CYTH3: variants seen among roughly 807,000 people sequenced by gnomAD.
CYTH3 encodes cytohesin-3.
In CYTH3, 23 loss-of-function variants were observed where a neutral mutation model predicts 55.1. The ratio of observed to expected loss-of-function variants is 0.42; its 90% CI spans 0.30 to 0.59. CYTH3 has a LOEUF of 0.59. CYTH3 is among the 20% of genes least tolerant of loss of function. CYTH3 has a pLI of 0.20. For missense variants in CYTH3, 413 were observed against 524.8 expected (o/e 0.79, Z 2.08); for synonymous variants, 249 against 194.9 (o/e 1.28, Z -2.31).
chr7:6,259,434 C>G (rs1032227706), intron 1 of CYTH3, among the ~76,000 whole-genome samples: 1 of 151,844 alleles, frequency 6.6e-6, no homozygotes, highest in Non-Finnish European at 1.5e-5. Flanking sequence ...TAAATTTACT[C>G]GAGGAAAGTA....
Position 6,163,285 on chromosome 7 carries a change from CAA to C in CYTH3, c.*1657_*1658del. ...CTGCTGAGAAGGAAACCTAGGTGCACAAAGTCTGAGGTTTTGTCTCTGGACTG... is the reference window on the plus strand; with the variant it reads ...CTGCTGAGAAGGAAACCTAGGTGCACAGTCTGAGGTTTTGTCTCTGGACTG... On this transcript the variant is annotated 3_prime_UTR_variant, in exon 13 of 13. Coordinates refer to ENST00000350796, the MANE Select transcript of CYTH3 (RefSeq NM_004227.4). The C allele has an allele frequency of 6.6e-6, 1 of 152,430 alleles. No individual in the cohort carries two copies. The highest frequency in any genetic ancestry group is 1.9e-4 in the East Asian group (1 of 5,184). The allele number at this position is 152,430 out of a possible 1,614,324, so 9.4% of individuals were successfully genotyped here.
chr7:6,197,892 G>C (rs1248845340), intron 1 of CYTH3, among the ~76,000 whole-genome samples: 1 of 152,030 alleles, frequency 6.6e-6, no homozygotes, highest in African/African-American at 2.4e-5. Context: ...AGGAGTTTGA[G>C]ACTAGCCTGG....
intron 1 of CYTH3, among the ~76,000 whole-genome samples, chr7:6,259,584 C>T (rs60679365): frequency 0.013 from 1,938 of 149,550 alleles, 33 homozygotes; most frequent in African/African-American, 0.043. Context: ...TACAGAATCT[C>T]ATGTCTATTC....
At chr7:6,250,599 G>C (rs1435312683) in intron 1 of CYTH3, among the ~76,000 whole-genome samples, 1 of 152,112 alleles carries the variant, frequency 6.6e-6, no homozygotes, top group Non-Finnish European at 1.5e-5. Context: ...GCCAAACACA[G>C]AAGACCACAT....
At chr7:6,252,441 C>T (rs1779996350) in intron 1 of CYTH3, among the ~76,000 whole-genome samples, 1 of 152,120 alleles carries the variant, frequency 6.6e-6, no homozygotes, top group Non-Finnish European at 1.5e-5. Flanking sequence ...TAGTCACGAA[C>T]AAAATTAATA....
At chr7:6,228,326 G>A (rs1353821727) in intron 1 of CYTH3, among the ~76,000 whole-genome samples, 1 of 152,196 alleles carries the variant, frequency 6.6e-6, no homozygotes, top group Non-Finnish European at 1.5e-5. Flanking sequence ...TAAAGCTTAT[G>A]CTTTTCCATG....
chr7:6,181,608 A>G (rs1253125682), intron 4 of CYTH3, among the ~76,000 whole-genome samples: 2 of 152,076 alleles, frequency 1.3e-5, no homozygotes, highest in Non-Finnish European at 2.9e-5. Context: ...AGTCTTTTCA[A>G]TTTTTATCCT....
chr7:6,220,912 C>A (rs1466774284), intron 1 of CYTH3, among the ~76,000 whole-genome samples: 2 of 152,026 alleles, frequency 1.3e-5, no homozygotes, highest in Non-Finnish European at 2.9e-5. Flanking sequence ...AGGAGAATTG[C>A]TTGAACACGG....
intron 1 of CYTH3, 73 bp downstream of exon 1, chr7:6,272,401 C>T (rs1463959678): frequency 2.1e-5 from 26 of 1,229,488 alleles, no homozygotes; most frequent in Non-Finnish European, 2.6e-5. Flanking sequence ...GGCCCAGCGC[C>T]GCGCCCTCGA....
chr7:6,186,915 A>G, intron 4 of CYTH3, 135 bp downstream of exon 4: 1 of 874,486 alleles, frequency 1.1e-6, no homozygotes. Context: ...TTTTTGATAA[A>G]AATGTGCCTT....
intron 1 of CYTH3, among the ~76,000 whole-genome samples, chr7:6,245,195 A>G (rs1779778487): frequency 6.6e-6 from 1 of 151,742 alleles, no homozygotes; most frequent in Non-Finnish European, 1.5e-5. Context: ...ATGCAGGGGG[A>G]AAGTGTAAGG....
intron 1 of CYTH3, among the ~76,000 whole-genome samples, chr7:6,269,244 A>C (rs1780588896): frequency 6.6e-6 from 1 of 151,772 alleles, no homozygotes; most frequent in Admixed American, 6.6e-5. Flanking sequence ...GCTACTTTAC[A>C]CTCTTACCCG....
chr7:6,228,483 G>A (rs118008236), intron 1 of CYTH3, among the ~76,000 whole-genome samples: 2 of 152,300 alleles, frequency 1.3e-5, no homozygotes, highest in South Asian at 2.1e-4. Flanking sequence ...CAAGTTGTGT[G>A]GGAGGGTAGG....
Position 6,165,376 on chromosome 7 carries a change from A to G in CYTH3, c.1024T>C (p.Cys342Arg), listed in dbSNP as rs1429202543. 1 of 1,614,060 alleles carries G rather than the reference A, an allele frequency of 6.2e-7. No individual in the cohort carries two copies. Among genetic ancestry groups the G allele is most frequent in the African/African-American group, 1.3e-5 (1 of 74,936 alleles). The stretch of plus-strand genomic sequence containing the variant: ...ACGCGGCCGTCGGCCTCAGTCTTAC[A>G]GGCCTTGATGACCTGCCCTTTGTGG... ...PSHKGQVIKA[C>R]KTEADGRVVE... is the part of the protein sequence containing the mutation. The change falls in exon 12 of 13, where the codon TGT (cysteine) becomes CGT (arginine). Residue 342 changes from cysteine to arginine, a missense_variant. Cys to Arg is a radical substitution (Grantham distance 180). Transcript: ENST00000350796.
Position 6,259,769 on chromosome 7 carries a change from ATATT to A in CYTH3, c.34+12701_34+12704del, listed in dbSNP as rs1206760036. 3.0e-4 allele frequency among the ~76,000 whole-genome samples: 7 copies of A among 23,326 alleles called. 1 individual carries two copies. In the East Asian group the frequency reaches 9.1e-3, roughly 30 times the overall value. The allele number at this position is 23,326 out of a possible 152,430, so 15.3% of individuals were successfully genotyped here. On this transcript the variant is annotated intron_variant, in intron 1 of 12. Transcript: ENST00000350796. ...ATATATATATATATTATATATATAT[ATATT>A]ATATATATATAATATATATATATAT... is the stretch of plus-strand genomic sequence containing the variant.
intron 1 of CYTH3, among the ~76,000 whole-genome samples, chr7:6,199,026 A>G (rs1382842874): frequency 2.0e-5 from 3 of 152,230 alleles, no homozygotes; most frequent in Non-Finnish European, 4.4e-5. Flanking sequence ...TCTTACTCTA[A>G]TTCTTGATAG....
Position 6,167,187 on chromosome 7 carries a change from C to T in CYTH3, c.824-1377G>A, listed in dbSNP as rs1418419016. 6.6e-6 allele frequency among the ~76,000 whole-genome samples: 1 copy of T among 152,194 alleles called. No homozygotes were observed. The highest frequency in any genetic ancestry group is 1.9e-4 in the East Asian group (1 of 5,182). On this transcript the variant is annotated intron_variant, in intron 9 of 12. Transcript: ENST00000350796. This position sits in a 1 kb window ranked among gnomAD's most constrained non-coding sequence, Gnocchi z 5.5. ...CCTCGTGTCCCTGTCTCACCGCGGG[C>T]TCCATGCTCTCTGCAAGCCCTTGGC...
chr7:6,218,433 T>C (rs896389037), intron 1 of CYTH3, among the ~76,000 whole-genome samples: 2 of 152,162 alleles, frequency 1.3e-5, no homozygotes, highest in Non-Finnish European at 2.9e-5. Flanking sequence ...GCACGGCCCA[T>C]TGGACACCTT....
chr7:6,183,063 T>C (rs1159993416), intron 4 of CYTH3, among the ~76,000 whole-genome samples: 2 of 152,232 alleles, frequency 1.3e-5, no homozygotes, highest in African/African-American at 4.8e-5. Context: ...TATTTCTCCT[T>C]GTTGGTGCTG....
Sources: gnomAD v4.1 joint callset for allele counts (sites outside exome capture counted in the v4.1 genomes callset) on GRCh38, gnomAD v4.1.1 for gene constraint, Gnocchi (gnomAD v3.1) non-coding constraint, MANE v1.5 for transcripts, NCBI Gene and HGNC (gene_info 2026-07-23, HGNC 2026-07-21) for gene names.